STK10: variants seen among roughly 807,000 people sequenced by gnomAD.
STK10 encodes the protein serine/threonine kinase 10.
Under a neutral mutation model 113.8 loss-of-function variants are expected in STK10, and 78 were observed. The observed-to-expected ratio is 0.69, with a 90% CI of 0.57 to 0.83. The LOEUF (loss-of-function observed/expected upper bound fraction) is 0.83, where lower values mean the gene tolerates loss of function less well. Among genes scored for constraint, STK10 ranks in the 40% least tolerant of loss-of-function variants. The probability of loss-of-function intolerance (pLI) is 0.00; values close to 1 mark genes in which losing one functional copy is unlikely to be tolerated. For synonymous variants in STK10, 465 were observed against 494.7 expected, an observed-to-expected ratio of 0.94 and a Z score of 0.80; for missense variants, 1,109 against 1,280.1, an observed-to-expected ratio of 0.87 and a Z score of 2.04.
At chr5:172,151,195 CT>C (rs1485215583) in intron 2 of STK10, among the ~76,000 whole-genome samples, 1 of 152,184 alleles carries the variant, frequency 6.6e-6, no homozygotes, top group Admixed American at 6.5e-5. Context: ...ACAGGCACTA[CT>C]GTGAAGATCC....
intron 6 of STK10, among the ~76,000 whole-genome samples, chr5:172,106,061 C>T (rs1769098693): frequency 6.6e-6 from 1 of 152,096 alleles, no homozygotes; most frequent in African/African-American, 2.4e-5. Context: ...GGCTCCTGTT[C>T]CCCAGTGGGA....
intron 12 of STK10, among the ~76,000 whole-genome samples, chr5:172,075,337 C>T (rs115520757): frequency 0.013 from 1,926 of 152,028 alleles, 37 homozygotes; most frequent in African/African-American, 0.044. Flanking sequence ...GAAAAATCAC[C>T]CAGTTAAATA....
chr5:172,089,986 T>C (rs1245320513), intron 10 of STK10, among the ~76,000 whole-genome samples: 1 of 151,888 alleles, frequency 6.6e-6, no homozygotes, highest in African/African-American at 2.4e-5. Flanking sequence ...GGTGGATAGA[T>C]GAATAGGTAG....
At chr5:172,075,772 G>A (rs1314132069) in intron 12 of STK10, among the ~76,000 whole-genome samples, 1 of 152,238 alleles carries the variant, frequency 6.6e-6, no homozygotes, top group Non-Finnish European at 1.5e-5. Context: ...TTAGTGAAAT[G>A]TGAATTAGAA....
rs575788010 is a variant in STK10 at position 172,101,303 on chromosome 5, T to G, written c.870+4353A>C. Among the ~76,000 whole-genome samples, 3 of 151,720 alleles carry G rather than the reference T, an allele frequency of 2.0e-5. No individual in the cohort carries two copies. In the South Asian group the frequency reaches 6.3e-4, roughly 32 times the overall value. On this transcript the variant is annotated intron_variant, in intron 7 of 18. Coordinates refer to ENST00000176763, the MANE Select transcript of STK10 (RefSeq NM_005990.4). ...CTGGCCAACATGGTGAAACCCCACC[T>G]CTACTAAAAACACAAAAATTACCCA...
At chr5:172,117,018 C>T (rs1425425548) in intron 4 of STK10, among the ~76,000 whole-genome samples, 1 of 152,140 alleles carries the variant, frequency 6.6e-6, no homozygotes, top group Non-Finnish European at 1.5e-5. Context: ...GTGGTGCACA[C>T]CTGTAATCCC....
intron 1 of STK10, among the ~76,000 whole-genome samples, chr5:172,160,443 C>T (rs1770448318): frequency 6.6e-6 from 1 of 151,936 alleles, no homozygotes; most frequent in Non-Finnish European, 1.5e-5. Context: ...CCACTGCACT[C>T]CAGCCTGGGT....
intron 7 of STK10, among the ~76,000 whole-genome samples, chr5:172,101,484 A>AG (rs1276049527): frequency 9.2e-5 from 14 of 152,100 alleles, no homozygotes; most frequent in African/African-American, 3.4e-4. Context: ...AAAAAAAAAA[A>AG]AAAAGTCAAT....
chr5:172,083,127 G>C, intron 10 of STK10, 43 bp from the exon 11 acceptor site: 1 of 1,609,876 alleles, frequency 6.2e-7, no homozygotes, highest in Non-Finnish European at 8.5e-7. Context: ...TAAGAAACTG[G>C]CTTCAGAGAT....
rs774648795 is a variant in STK10 at position 172,053,012 on chromosome 5, C to T, written c.2683G>A (p.Glu895Lys). ...NEKCHLLVEH[E>K]TQKLKALDES... ...TCCAGGGCCTTCAGTTTCTGGGTTT[C>T]GTGCTCTACCAGGAGGTGGCACTTT... is the stretch of plus-strand genomic sequence containing the variant. The change falls in exon 18 of 19, where the codon GAA becomes AAA. Residue 895 changes from glutamate to lysine, a missense_variant. Physicochemically the swap from Glu to Lys is moderately conservative, Grantham distance 56 (BLOSUM62 1). Around this residue, in one of 5 missense-constraint regions of STK10, gnomAD observed 885 missense variants for 991.1 expected, o/e 0.89. Coordinates refer to ENST00000176763, the MANE Select transcript of STK10 (RefSeq NM_005990.4). The T allele has an allele frequency of 1.1e-5, 17 of 1,614,020 alleles. No homozygotes were observed. The highest frequency in any genetic ancestry group is 2.2e-5 in the South Asian group (2 of 91,080).
chr5:172,096,433 G>A lies in STK10; in HGVS notation c.998C>T (p.Ala333Val). Reference protein sequence around the residue: ...DEGEEEDAVDAASTLENHTQN... With the variant: ...DEGEEEDAVDVASTLENHTQN... ...CACTCTCCCTGGCCTTACGGAGGCG[G>A]CATCCACGGCGTCCTCCTCTTCCCC... Residue 333 changes from alanine to valine, a missense_variant, in exon 8 of 19, where the codon GCC becomes GTC. Ala to Val is a moderately conservative substitution (Grantham distance 64). Transcript: ENST00000176763. 1 of 1,612,232 alleles carries A rather than the reference G, an allele frequency of 6.2e-7. No homozygotes were observed. The highest frequency in any genetic ancestry group is 8.5e-7 in the Non-Finnish European group (1 of 1,179,928).
intron 2 of STK10, among the ~76,000 whole-genome samples, chr5:172,134,639 T>A (rs1769815877): frequency 6.6e-6 from 1 of 151,054 alleles, no homozygotes; most frequent in East Asian, 1.9e-4. Context: ...CTGGGTACAA[T>A]GGCTCACGCC....
At chr5:172,148,879 T>C (rs551592794) in intron 2 of STK10, among the ~76,000 whole-genome samples, 1 of 152,264 alleles carries the variant, frequency 6.6e-6, no homozygotes, top group South Asian at 2.1e-4. Flanking sequence ...ATCTGTAAAA[T>C]GGGGGTGACA....
At chr5:172,059,573 C>T (rs868688654) in intron 14 of STK10, among the ~76,000 whole-genome samples, 8 of 152,226 alleles carry the variant, frequency 5.3e-5, no homozygotes, top group Non-Finnish European at 8.8e-5. Flanking sequence ...CCATAAAGAC[C>T]CCAAGCCACC....
intron 2 of STK10, among the ~76,000 whole-genome samples, chr5:172,141,538 C>T (rs1390752499): frequency 2.0e-5 from 3 of 149,890 alleles, no homozygotes; most frequent in African/African-American, 7.4e-5. Flanking sequence ...CCGATTGTGC[C>T]ACTACATACA....
At chr5:172,153,288 A>AGAAAG (rs1554123012) in intron 2 of STK10, among the ~76,000 whole-genome samples, 1 of 141,928 alleles carries the variant, frequency 7.0e-6, no homozygotes, top group African/African-American at 2.9e-5. Context: ...CTCCATCTCA[A>AGAAAG]AAAGAAAGAA....
At chr5:172,129,400 T>G (rs1165902123) in intron 2 of STK10, among the ~76,000 whole-genome samples, 2 of 152,196 alleles carry the variant, frequency 1.3e-5, no homozygotes, top group Non-Finnish European at 2.9e-5. Flanking sequence ...ACTCTGGTCC[T>G]GCCTGGTCAT....
At chr5:172,085,918 G>T (rs142153112) in intron 10 of STK10, among the ~76,000 whole-genome samples, 4 of 152,114 alleles carry the variant, frequency 2.6e-5, no homozygotes, top group Non-Finnish European at 5.9e-5. Context: ...TGACTCGGAG[G>T]GGCCATAACT....
At chr5:172,121,032 C>CTT (rs113620151) in intron 3 of STK10, among the ~76,000 whole-genome samples, 6,937 of 138,744 alleles carry the variant, frequency 0.05, 197 homozygotes, top group South Asian at 0.075. Context: ...GGTTTCTTTC[C>CTT]TTTTTTTTTT....
Sources: gnomAD v4.1 joint callset for allele counts (sites outside exome capture counted in the v4.1 genomes callset) on GRCh38, gnomAD v4.1.1 for gene constraint, gnomAD v4.1.1 regional missense constraint, MANE v1.5 for transcripts, NCBI Gene and HGNC (gene_info 2026-07-23, HGNC 2026-07-21) for gene names.